ACBD6: variants seen among roughly 807,000 people sequenced by gnomAD.
The protein encoded by ACBD6 is acyl-CoA binding domain containing 6.
A neutral mutation model predicts 37.2 loss-of-function variants in ACBD6; 28 were observed. That is an observed-to-expected ratio of 0.75 (90% CI 0.56 to 1.03). ACBD6 has a LOEUF of 1.03. ACBD6 is among the 50% of genes least tolerant of loss of function. The pLI, the probability that ACBD6 is intolerant of heterozygous loss-of-function variation, is 0.00. For synonymous variants in ACBD6, 113 were observed against 126.8 expected (o/e 0.89, Z 0.73); for missense variants, 340 against 337.4 (o/e 1.01, Z -0.06).
rs1250832501 is a variant in ACBD6, at chr1:180,419,240, G to T, written c.468-5769C>A. Among the ~76,000 whole-genome samples, 6 of 152,054 alleles carry T rather than the reference G, an allele frequency of 3.9e-5. No individual in the cohort carries two copies. The East Asian group carries it at 1.2e-3, about 29-fold the overall frequency. ...CACTCCAGCCTGGGTGACAGAGCGA[G>T]ACTCCGTCTCAAAAAAAAAATATAT... On this transcript the variant is annotated intron_variant, in intron 4 of 7. Transcript: ENST00000367595.
intron 6 of ACBD6, among the ~76,000 whole-genome samples, chr1:180,390,636 C>G (rs538517215): frequency 6.6e-6 from 1 of 152,134 alleles, no homozygotes; most frequent in Non-Finnish European, 1.5e-5. Context: ...TACCCATGAG[C>G]ATGGAATGTT....
At chr1:180,300,452 T>C (rs12025423) in intron 7 of ACBD6, among the ~76,000 whole-genome samples, 29,738 of 152,104 alleles carry the variant, frequency 0.2, 3,111 homozygotes, top group East Asian at 0.38. Flanking sequence ...AAGAATCCAG[T>C]GACCTAGTGA....
At chr1:180,292,996 C>T (rs1057504968) in intron 7 of ACBD6, among the ~76,000 whole-genome samples, 3 of 152,062 alleles carry the variant, frequency 2.0e-5, no homozygotes, top group Non-Finnish European at 4.4e-5. Flanking sequence ...TCACATTTTG[C>T]TTTTTTGATC....
chr1:180,477,411 T>C (rs539462162), intron 3 of ACBD6, among the ~76,000 whole-genome samples: 5 of 152,194 alleles, frequency 3.3e-5, no homozygotes, highest in Non-Finnish European at 7.4e-5. Flanking sequence ...CATAACTCTT[T>C]ATAAAGTCAG....
chr1:180,373,942 G>A (rs916749412), intron 6 of ACBD6, among the ~76,000 whole-genome samples: 1 of 151,872 alleles, frequency 6.6e-6, no homozygotes, highest in African/African-American at 2.4e-5. Context: ...TTGGCTCCAG[G>A]TAACATAAAG....
At chr1:180,469,545 T>A (rs964747387) in intron 3 of ACBD6, among the ~76,000 whole-genome samples, 3 of 152,164 alleles carry the variant, frequency 2.0e-5, no homozygotes, top group Non-Finnish European at 4.4e-5. Context: ...AAAATCTAAT[T>A]CATGCAACTG....
chr1:180,392,843 G>A (rs1035735445), intron 6 of ACBD6, among the ~76,000 whole-genome samples: 12 of 151,704 alleles, frequency 7.9e-5, no homozygotes, highest in Non-Finnish European at 1.5e-4. Context: ...TCTATAAACC[G>A]TAAGCTTATA....
chr1:180,422,162 C>G (rs1237414958), intron 4 of ACBD6, among the ~76,000 whole-genome samples: 1 of 152,042 alleles, frequency 6.6e-6, no homozygotes, highest in African/African-American at 2.4e-5. Flanking sequence ...GGTTCTTGTA[C>G]TTGCCAGTGT....
At position 180,478,894 on chromosome 1, in the gene ACBD6, A is replaced by C. The variant is rs12409923; in HGVS notation, c.384+13375T>G. ...TGTAACACCAGCACTTTGAGAGGCC[A>C]AGGCAGGAGGATCACTTGAGCCCAG... On this transcript the variant is annotated intron_variant, in intron 3 of 7. Coordinates refer to ENST00000367595, the MANE Select transcript of ACBD6 (RefSeq NM_032360.4). Among the ~76,000 whole-genome samples, 3,781 of 152,228 alleles carry C rather than the reference A, an allele frequency of 0.025. 380 individuals are homozygous for C. In the East Asian group the frequency reaches 0.3, roughly 12 times the overall value.
At chr1:180,282,975 T>TTG (rs1432307101) in intron 8 of ACBD6, among the ~76,000 whole-genome samples, 4 of 97,350 alleles carry the variant, frequency 4.1e-5, no homozygotes, top group African/African-American at 1.9e-4. Flanking sequence ...TCTTTCTGTT[T>TTG]TTTTTTTTTT....
At chr1:180,289,038 T>TAAAAAAAAAAA (rs11353397) in intron 7 of ACBD6, among the ~76,000 whole-genome samples, 6 of 102,938 alleles carry the variant, frequency 5.8e-5, no homozygotes, top group South Asian at 3.2e-4. Context: ...CTACAGGAAC[T>TAAAAAAAAAAA]AAAAAAAAAA....
At chr1:180,293,876 G>C (rs907982918) in intron 7 of ACBD6, among the ~76,000 whole-genome samples, 1 of 151,808 alleles carries the variant, frequency 6.6e-6, no homozygotes. Context: ...CTCCCAGCTG[G>C]GACTAAAGGC....
Position 180,318,171 on chromosome 1 carries a change from C to CCT in ACBD6, c.664-3450_664-3449insAG, listed in dbSNP as rs1553291927. On this transcript the variant is annotated intron_variant, in intron 6 of 7. Transcript: ENST00000367595. ...AGTAAGATTCCATCTCCGCCCCCCC[C>CCT]CCCCAAAAAAAAAAGAAAGAAAGAA... Among the ~76,000 whole-genome samples, 17 of 103,754 alleles carry CCT rather than the reference C, an allele frequency of 1.6e-4. 1 individual carries two copies. The highest frequency in any genetic ancestry group is 7.5e-4 in the African/African-American group (16 of 21,444). 68.1% of individuals were successfully genotyped at this position (103,754 alleles called of 152,430 possible).
intron 6 of ACBD6, among the ~76,000 whole-genome samples, chr1:180,318,099 T>C (rs994804627): frequency 1.4e-5 from 2 of 147,726 alleles, no homozygotes; most frequent in African/African-American, 5.0e-5. Context: ...GAGATGGAGG[T>C]TGCAGTGAGC....
intron 6 of ACBD6, among the ~76,000 whole-genome samples, chr1:180,355,442 CTT>C (rs1321170963): frequency 6.6e-6 from 1 of 152,116 alleles, no homozygotes; most frequent in Non-Finnish European, 1.5e-5. Flanking sequence ...CCTGTACTGA[CTT>C]TTCTTTTTCT....
chr1:180,502,232 G>C lies in ACBD6; in HGVS notation c.35C>G (p.Thr12Ser), dbSNP rs901291163. The C allele has an allele frequency of 6.2e-7, 1 of 1,613,794 alleles. No individual in the cohort carries two copies. Among genetic ancestry groups the C allele is most frequent in the Non-Finnish European group, 8.5e-7 (1 of 1,180,044 alleles). ...ASSFLPAGAI[T>S]GDSGGELSSG... ...GCTCAGCTCTCCACCGCTGTCGCCGGTGATGGCCCCCGCGGGCAGGAATGA... is the reference window on the plus strand; with the variant it reads ...GCTCAGCTCTCCACCGCTGTCGCCGCTGATGGCCCCCGCGGGCAGGAATGA... Residue 12 changes from threonine to serine, a missense_variant, in exon 1 of 8, where the codon ACC becomes AGC. Thr to Ser is a moderately conservative substitution (Grantham distance 58). Transcript: ENST00000367595.
chr1:180,427,051 T>C (rs755141099), intron 4 of ACBD6, among the ~76,000 whole-genome samples: 8 of 152,220 alleles, frequency 5.3e-5, no homozygotes, highest in Non-Finnish European at 1.0e-4. Context: ...TGACATTATA[T>C]TGATACTTTC....
intron 6 of ACBD6, among the ~76,000 whole-genome samples, chr1:180,315,684 C>T (rs992676131): frequency 1.4e-4 from 22 of 152,026 alleles, no homozygotes; most frequent in African/African-American, 5.3e-4. Flanking sequence ...TATTTATCTC[C>T]TAGAAAGAAA....
intron 7 of ACBD6, among the ~76,000 whole-genome samples, chr1:180,303,005 A>G (rs1253228542): frequency 3.9e-5 from 6 of 152,146 alleles, no homozygotes; most frequent in African/African-American, 1.4e-4. Context: ...CTGAATGACT[A>G]TTGGGTACAA....
Sources: gnomAD v4.1 joint callset for allele counts (sites outside exome capture counted in the v4.1 genomes callset) on GRCh38, gnomAD v4.1.1 for gene constraint, MANE v1.5 for transcripts, NCBI Gene and HGNC (gene_info 2026-07-23, HGNC 2026-07-21) for gene names.